Variants in KCNK2 observed in about 807,000 individuals in gnomAD.
KCNK2 encodes potassium channel subfamily K member 2.
In KCNK2, 21 loss-of-function variants were observed where a neutral mutation model predicts 40.5. That is an observed-to-expected ratio of 0.52 (90% CI 0.37 to 0.75). The LOEUF (loss-of-function observed/expected upper bound fraction) is 0.75, where lower values mean the gene tolerates loss of function less well. Ranked by LOEUF, KCNK2 falls within the 30% of genes least tolerant of loss-of-function variation. KCNK2 has a pLI of 0.00. For synonymous variants in KCNK2, 191 were observed against 202.2 expected (o/e 0.94, Z 0.47); for missense variants, 399 against 531.6 (o/e 0.75, Z 2.45).
intron 6 of KCNK2, among the ~76,000 whole-genome samples, chr1:215,210,638 T>TTA (rs1341375659): frequency 1.4e-3 from 207 of 151,944 alleles, no homozygotes; most frequent in African/African-American, 4.7e-3. Flanking sequence ...GAATACAGTT[T>TTA]TATATATATA....
intron 3 of KCNK2, among the ~76,000 whole-genome samples, chr1:215,133,322 T>C (rs1661755995): frequency 6.6e-6 from 1 of 152,232 alleles, no homozygotes; most frequent in African/African-American, 2.4e-5. Context: ...AAGCAAGGAA[T>C]AGTCATGAAG....
intron 2 of KCNK2, among the ~76,000 whole-genome samples, chr1:215,094,475 C>A (rs1004783062): frequency 3.3e-5 from 5 of 152,004 alleles, no homozygotes; most frequent in Non-Finnish European, 5.9e-5. Context: ...ATTGGGCTAC[C>A]AAATGGGGAT....
intron 2 of KCNK2, among the ~76,000 whole-genome samples, chr1:215,103,988 G>A (rs1660329190): frequency 6.6e-6 from 1 of 152,010 alleles, no homozygotes; most frequent in Admixed American, 6.6e-5. Context: ...GGCCAAACTG[G>A]GATGAGTGTT....
At chr1:215,105,385 T>C (rs1347290544) in intron 2 of KCNK2, among the ~76,000 whole-genome samples, 1 of 152,132 alleles carries the variant, frequency 6.6e-6, no homozygotes, top group Admixed American at 6.6e-5. Flanking sequence ...GTTTCATCCA[T>C]GTTGTAGCAT....
chr1:215,175,069 G>A (rs1663896919), intron 5 of KCNK2, among the ~76,000 whole-genome samples: 2 of 152,132 alleles, frequency 1.3e-5, no homozygotes, highest in Non-Finnish European at 2.9e-5. Context: ...AATGCTTCCA[G>A]TTTTTGCCCA....
In KCNK2 at chr1:215,083,234, C is replaced by A; in HGVS notation, c.-152C>A. ...CTCCCGCGTCCAGCCCCGCTCTCCC[C>A]ACCTTGTAAAACAAAGCCGGGGAAA... On this transcript the variant is annotated 5_prime_UTR_variant, in exon 1 of 7. Transcript: ENST00000444842. The A allele has an allele frequency of 3.1e-6, 5 of 1,604,400 alleles. No individual in the cohort carries two copies. Among genetic ancestry groups the A allele is most frequent in the Non-Finnish European group, 3.4e-6 (4 of 1,174,652 alleles).
At chr1:215,015,487 G>A (rs534155030) in intron 1 of KCNK2, among the ~76,000 whole-genome samples, 1 of 152,222 alleles carries the variant, frequency 6.6e-6, no homozygotes, top group South Asian at 2.1e-4. Flanking sequence ...AGGCTCTGGG[G>A]TCTTTGGCGG....
At chr1:215,136,350 G>A (rs79812944) in intron 3 of KCNK2, among the ~76,000 whole-genome samples, 7,448 of 151,430 alleles carry the variant, frequency 0.049, 602 homozygotes, top group African/African-American at 0.17. Context: ...ACCCACCGTC[G>A]GCCTCTCAAA....
chr1:215,019,740 C>T (rs1051666486), intron 1 of KCNK2, among the ~76,000 whole-genome samples: 4 of 152,132 alleles, frequency 2.6e-5, no homozygotes, highest in African/African-American at 4.8e-5. Flanking sequence ...ATTGTAGACA[C>T]GTTATAGGTT....
At chr1:215,074,793 G>T (rs962538462) in intron 1 of KCNK2, among the ~76,000 whole-genome samples, 1 of 152,102 alleles carries the variant, frequency 6.6e-6, no homozygotes, top group Non-Finnish European at 1.5e-5. Context: ...GGTAAGAAAC[G>T]TTGAAGTCTA....
intron 2 of KCNK2, among the ~76,000 whole-genome samples, chr1:215,092,341 T>G (rs1044408595): frequency 6.6e-6 from 1 of 152,050 alleles, no homozygotes; most frequent in Non-Finnish European, 1.5e-5. Flanking sequence ...GAACTGGTTT[T>G]GGGCATAATG....
At chr1:215,037,820 T>C (rs1164303759) in intron 1 of KCNK2, among the ~76,000 whole-genome samples, 1 of 152,026 alleles carries the variant, frequency 6.6e-6, no homozygotes, top group Non-Finnish European at 1.5e-5. Context: ...ACTGGCATTG[T>C]TTTTTCTGAA....
At position 215,169,328 on chromosome 1, in the gene KCNK2, A is replaced by G. The variant is rs747974588; in HGVS notation, c.605A>G (p.Lys202Arg). 3.7e-6 allele frequency: 6 copies of G among 1,612,656 alleles called. No homozygotes were observed. The Admixed American group carries it at 1.0e-4, about 27-fold the overall frequency. Residue 202 changes from lysine (K) to arginine (R), a missense_variant, in exon 4 of 7, where the codon AAA (lysine) becomes AGA (arginine). By Grantham distance (26) the Lys-to-Arg change is conservative (BLOSUM62 2). Transcript: ENST00000444842. ...GATCAGCTAGGCACCATATTTGGAA[A>G]AGGAATTGCCAAAGTGGAAGATACG... ...VGDQLGTIFG[K>R]GIAKVEDTFI...
At chr1:215,174,726 T>C (rs953345896) in intron 5 of KCNK2, among the ~76,000 whole-genome samples, 3 of 152,186 alleles carry the variant, frequency 2.0e-5, no homozygotes, top group African/African-American at 7.2e-5. Flanking sequence ...TTATTCTCTT[T>C]GAAGCAATTG....
chr1:215,015,979 G>A (rs1363787120), intron 1 of KCNK2, among the ~76,000 whole-genome samples: 1 of 152,110 alleles, frequency 6.6e-6, no homozygotes, highest in African/African-American at 2.4e-5. Flanking sequence ...AATCCCTCTA[G>A]CCTCTTTCTG....
At chr1:215,227,485 A>G (rs1666430648) in intron 6 of KCNK2, among the ~76,000 whole-genome samples, 1 of 152,210 alleles carries the variant, frequency 6.6e-6, no homozygotes. Context: ...ATGGAGTTTG[A>G]GAGGGATGGT....
intron 2 of KCNK2, among the ~76,000 whole-genome samples, chr1:215,102,670 C>A (rs191528664): frequency 6.6e-6 from 1 of 151,914 alleles, no homozygotes; most frequent in Admixed American, 6.6e-5. Flanking sequence ...TTCAGTCCTG[C>A]AAACTCCATT....
intron 2 of KCNK2, among the ~76,000 whole-genome samples, chr1:215,121,696 C>T (rs1661196132): frequency 6.6e-6 from 1 of 152,130 alleles, no homozygotes; most frequent in Admixed American, 6.5e-5. Context: ...ATGTGCTATT[C>T]CAACAGATTG....
intron 2 of KCNK2, among the ~76,000 whole-genome samples, chr1:215,109,029 C>CAT (rs143949771): frequency 2.0e-5 from 3 of 151,172 alleles, no homozygotes; most frequent in Admixed American, 1.3e-4. Context: ...ATCATTCATT[C>CAT]ATATATATAT....
Sources: gnomAD v4.1 joint callset for allele counts (sites outside exome capture counted in the v4.1 genomes callset) on GRCh38, gnomAD v4.1.1 for gene constraint, MANE v1.5 for transcripts, NCBI Gene and HGNC (gene_info 2026-07-23, HGNC 2026-07-21) for gene names.